SYNE1: variants seen among roughly 807,000 people sequenced by gnomAD.
The protein encoded by SYNE1 is spectrin repeat containing nuclear envelope protein 1.
A neutral mutation model predicts 1,111.0 loss-of-function variants in SYNE1; 616 were observed. That is an observed-to-expected ratio of 0.55 (90% CI 0.52 to 0.59). The LOEUF (loss-of-function observed/expected upper bound fraction) is 0.59. SYNE1 is among the 20% of genes least tolerant of loss of function. The pLI is 0.00. For missense variants in SYNE1, 10,006 were observed against 10,417.0 expected, an observed-to-expected ratio of 0.96 and a Z score of 1.72; for synonymous variants, 3,855 against 3,825.8, an observed-to-expected ratio of 1.01 and a Z score of -0.28.
chr6:152,623,413 A>G (rs12110355), intron 3 of SYNE1, among the ~76,000 whole-genome samples: 6,414 of 152,302 alleles, frequency 0.042, 423 homozygotes, highest in African/African-American at 0.14. Flanking sequence ...ACAAAACTAT[A>G]AAAACCACAG....
rs2096480384 is a variant in SYNE1 at position 152,339,257 on chromosome 6, T to C, written c.12335A>G (p.Gln4112Arg). 2 of 1,613,918 alleles carry C rather than the reference T, an allele frequency of 1.2e-6. No individual in the cohort carries two copies. Among genetic ancestry groups the C allele is most frequent in the East Asian group, 4.5e-5 (2 of 44,868 alleles). ...ASVKTTAKDI[Q>R]QTEQTIEQKL... ...TTTTCTTACCGTTTGCTCTGTTTGT[T>C]GAATGTCTTTTGCTGTGGTTTTCAC... Residue 4112 changes from glutamine to arginine, a missense_variant, in exon 75 of 146, where the codon CAA (glutamine) becomes CGA (arginine). Gln to Arg is a conservative substitution (Grantham distance 43, BLOSUM62 1). Transcript: ENST00000367255.
chr6:152,323,425 C>T (rs2095943517), intron 82 of SYNE1, 53 bp downstream of exon 82: 3 of 1,598,974 alleles, frequency 1.9e-6, no homozygotes, highest in South Asian at 1.1e-5. Context: ...GGCGACAGAG[C>T]GAGACTCCAA....
chr6:152,376,941 G>A lies in SYNE1; in HGVS notation c.9010-29C>T, dbSNP rs372493134. 27 of 1,611,834 alleles carry A rather than the reference G, an allele frequency of 1.7e-5. No homozygotes were observed. In the African/African-American group the frequency reaches 2.5e-4, roughly 15 times the overall value. The stretch of plus-strand genomic sequence containing the variant: ...TTCAGAAATAATGAGACAAAGAAGC[G>A]AGCACTTACATTGGGTGATCTCCAT... On this transcript the variant is annotated intron_variant, in intron 56 of 145. Transcript: ENST00000367255.
chr6:152,389,490 C>A (rs914168539), intron 53 of SYNE1, among the ~76,000 whole-genome samples: 4 of 152,162 alleles, frequency 2.6e-5, no homozygotes, highest in African/African-American at 9.7e-5. Flanking sequence ...ATATAACCAT[C>A]AGAATATGGC....
intron 3 of SYNE1, among the ~76,000 whole-genome samples, chr6:152,620,046 C>T (rs1255719916): frequency 6.6e-6 from 1 of 152,110 alleles, no homozygotes; most frequent in Non-Finnish European, 1.5e-5. Context: ...ACACGCGCAC[C>T]GGCTCAGACC....
intron 44 of SYNE1, among the ~76,000 whole-genome samples, chr6:152,408,818 T>C (rs775480818): frequency 6.6e-6 from 1 of 152,148 alleles, no homozygotes; most frequent in Non-Finnish European, 1.5e-5. Flanking sequence ...CTGGGCATGG[T>C]GGCGCATGCC....
intron 137 of SYNE1, chr6:152,146,360 C>G (rs903120821): frequency 1.3e-5 from 2 of 152,152 alleles, no homozygotes; most frequent in Admixed American, 1.3e-4. Context: ...TTTAACACTA[C>G]ATTAGACAGG....
intron 95 of SYNE1, among the ~76,000 whole-genome samples, chr6:152,288,416 G>A (rs1412783040): frequency 6.6e-6 from 1 of 152,160 alleles, no homozygotes; most frequent in Non-Finnish European, 1.5e-5. Flanking sequence ...AATCTCATTG[G>A]CTTTGACCAA....
intron 3 of SYNE1, among the ~76,000 whole-genome samples, chr6:152,548,541 G>C (rs2128110162): frequency 6.6e-6 from 1 of 152,230 alleles, no homozygotes; most frequent in South Asian, 2.1e-4. Context: ...TTAGTTAACG[G>C]GTCTATGGAT....
In SYNE1 at chr6:152,300,657, T is replaced by A. The variant is rs768681298; in HGVS notation, c.17666A>T (p.Asp5889Val). Reference sequence around the variant, plus strand: ...GGGAGGTACCTGGTTAACAGAAGCATCTGTATTAGCCACAGGTGAAGGGGA... The same window carrying A: ...GGGAGGTACCTGGTTAACAGAAGCAACTGTATTAGCCACAGGTGAAGGGGA... ...CRSPSPVANT[D>V]ASVNQDIAYY... Residue 5889 changes from aspartate (D) to valine (V), a missense_variant, in exon 93 of 146, where the codon GAT (aspartate) becomes GTT (valine). Asp to Val is a radical substitution (Grantham distance 152, BLOSUM62 -3). Around this residue, in one of 7 missense-constraint regions of SYNE1, gnomAD observed 4,955 missense variants for 5,017.2 expected, o/e 0.99. Transcript: ENST00000367255. 3.7e-6 allele frequency: 6 copies of A among 1,614,050 alleles called. No homozygotes were observed. Among genetic ancestry groups the A allele is most frequent in the Middle Eastern group, 1.6e-4 (1 of 6,076 alleles).
intron 121 of SYNE1, among the ~76,000 whole-genome samples, chr6:152,217,606 C>T (rs775736462): frequency 9.2e-5 from 14 of 151,844 alleles, no homozygotes; most frequent in Non-Finnish European, 1.9e-4. Flanking sequence ...CTGTGGGAGG[C>T]GGCTGTAGGG....
chr6:152,602,731 T>A (rs1270232078), intron 3 of SYNE1, among the ~76,000 whole-genome samples: 1 of 152,218 alleles, frequency 6.6e-6, no homozygotes, highest in Non-Finnish European at 1.5e-5. Flanking sequence ...CCACAGTTGC[T>A]TCCTCTTTTT....
At position 152,152,083 on chromosome 6, in the gene SYNE1, T is replaced by C; in HGVS notation, c.24188A>G (p.Tyr8063Cys). ...LTQLELINKQ[Y>C]RRLARENRTD... ...GCGGTTCTCCCTGGCCAGGCGGCGG[T>C]ACTGCTTGTTGATCAGTTCCAGCTG... The change falls in exon 134 of 146, where the codon TAC (tyrosine) becomes TGC (cysteine). Residue 8063 changes from tyrosine to cysteine, a missense_variant. Physicochemically the swap from Tyr to Cys is radical, Grantham distance 194. Transcript: ENST00000367255. 1 of 1,614,208 alleles carries C rather than the reference T, an allele frequency of 6.2e-7. No individual in the cohort carries two copies. The highest frequency in any genetic ancestry group is 8.5e-7 in the Non-Finnish European group (1 of 1,180,032).
At chr6:152,431,109 C>T (rs1563970343) in intron 34 of SYNE1, among the ~76,000 whole-genome samples, 1 of 152,170 alleles carries the variant, frequency 6.6e-6, no homozygotes, top group East Asian at 1.9e-4. Flanking sequence ...TAAATACTGA[C>T]ATTCACTTAT....
chr6:152,612,331 C>A (rs2099633628), intron 3 of SYNE1, among the ~76,000 whole-genome samples: 1 of 152,072 alleles, frequency 6.6e-6, no homozygotes, highest in African/African-American at 2.4e-5. Context: ...ACAGATCCCA[C>A]AGAAATACAA....
rs57218606 is a variant in SYNE1 at position 152,146,024 on chromosome 6, C to CAAAAAAAAAAAAAAA, written c.24976+2006_24976+2020dup. ...TGGGCAACAGAACTAGACTTCGTCT[C>CAAAAAAAAAAAAAAA]AAAAAAAAAAAAAAAAAAAAAAAAA... On this transcript the variant is annotated intron_variant, in intron 137 of 145. Coordinates refer to ENST00000367255, the MANE Select transcript of SYNE1 (RefSeq NM_182961.4). 4.2e-4 allele frequency: 21 copies of CAAAAAAAAAAAAAAA among 49,664 alleles called. 1 individual carries two copies. The highest frequency in any genetic ancestry group is 6.6e-4 in the African/African-American group (8 of 12,160). The allele number at this position is 49,664 out of a possible 1,614,324, so 3.1% of individuals were successfully genotyped here. A position where few individuals can be genotyped will look rare whatever the true frequency, so the allele number is the denominator to read the frequency against.
intron 3 of SYNE1, among the ~76,000 whole-genome samples, chr6:152,547,497 T>G (rs2141150): frequency 0.22 from 33,611 of 152,166 alleles, 3,827 homozygotes; most frequent in Middle Eastern, 0.32. Flanking sequence ...AAAGTGTCAG[T>G]TGGCTTCTTT....
chr6:152,323,487 C>G lies in SYNE1; in HGVS notation c.15908G>C (p.Arg5303Pro), dbSNP rs537825329. 7.4e-6 allele frequency: 12 copies of G among 1,613,612 alleles called. No individual in the cohort carries two copies. The highest frequency in any genetic ancestry group is 1.0e-5 in the Non-Finnish European group (12 of 1,180,034). ...GTAGGTGCTTAATTACTTCAGGCAC[C>G]GATCTTGCATGGCGGTGATTTCCTG... is the stretch of plus-strand genomic sequence containing the variant. The part of the protein sequence containing the change: ...LMQEITAMQD[R>P]CLNMQEKVKT... Residue 5303 changes from arginine to proline, a missense_variant, in exon 82 of 146, where the codon CGG becomes CCG. Arg to Pro is a moderately radical substitution (Grantham distance 103). This residue lies in a region of SYNE1 where 4,955 missense variants were observed against 5,017.2 expected (regional missense o/e 0.99). Coordinates refer to ENST00000367255, the MANE Select transcript of SYNE1 (RefSeq NM_182961.4).
chr6:152,463,931 G>A (rs1593231214), intron 18 of SYNE1, among the ~76,000 whole-genome samples: 1 of 152,128 alleles, frequency 6.6e-6, no homozygotes, highest in African/African-American at 2.4e-5. Context: ...AATTGATGGG[G>A]TATGAGTACA....
Sources: gnomAD v4.1 joint callset for allele counts (sites outside exome capture counted in the v4.1 genomes callset) on GRCh38, gnomAD v4.1.1 for gene constraint, gnomAD v4.1.1 regional missense constraint, MANE v1.5 for transcripts, NCBI Gene and HGNC (gene_info 2026-07-23, HGNC 2026-07-21) for gene names.